BCKDHB: variants seen among roughly 807,000 people sequenced by gnomAD.
BCKDHB encodes the protein branched chain keto acid dehydrogenase E1 subunit beta.
In BCKDHB, 41 loss-of-function variants were observed where a neutral mutation model predicts 48.5. That is an observed-to-expected ratio of 0.85 (90% CI 0.66 to 1.10). The LOEUF (loss-of-function observed/expected upper bound fraction) is 1.10. Among genes scored for constraint, BCKDHB ranks in the 50% least tolerant of loss-of-function variants. BCKDHB has a pLI of 0.00. For synonymous variants in BCKDHB, 201 were observed against 174.8 expected (o/e 1.15, Z -1.18); for missense variants, 496 against 494.2 (o/e 1.00, Z -0.03).
intron 9 of BCKDHB, among the ~76,000 whole-genome samples, chr6:80,332,291 T>G (rs1250411959): frequency 1.3e-5 from 2 of 152,200 alleles, no homozygotes; most frequent in African/African-American, 4.8e-5. Flanking sequence ...GATCCTATAC[T>G]GCACTTGTAT....
chr6:80,403,046 TA>T, the BCKDHB span, among the ~76,000 whole-genome samples: 1 of 151,286 alleles, frequency 6.6e-6, no homozygotes, highest in Non-Finnish European at 1.5e-5. Context: ...GAGGTGCCTA[TA>T]GCTTCGTTTT....
chr6:80,230,137 C>T (rs927767516), intron 8 of BCKDHB, among the ~76,000 whole-genome samples: 5 of 128,072 alleles, frequency 3.9e-5, no homozygotes, highest in African/African-American at 1.4e-4. Context: ...CTCTTGGGTT[C>T]ATGCCATTCT....
chr6:80,317,385 A>C (rs965058707), intron 9 of BCKDHB, among the ~76,000 whole-genome samples: 1 of 152,138 alleles, frequency 6.6e-6, no homozygotes, highest in African/African-American at 2.4e-5. Context: ...TCTCTAGGGG[A>C]CTATCTGTTT....
intron 9 of BCKDHB, among the ~76,000 whole-genome samples, chr6:80,299,550 A>T (rs1412363767): frequency 6.6e-6 from 1 of 152,216 alleles, no homozygotes. Flanking sequence ...AAGCAAGTTT[A>T]TTAAGAAAGT....
intron 9 of BCKDHB, among the ~76,000 whole-genome samples, chr6:80,329,486 C>T (rs1769212977): frequency 6.6e-6 from 1 of 152,060 alleles, no homozygotes; most frequent in Non-Finnish European, 1.5e-5. Flanking sequence ...AAAATATAGC[C>T]ATGTAAAGTA....
chr6:80,275,098 T>C (rs542955764), intron 9 of BCKDHB, among the ~76,000 whole-genome samples: 3 of 152,130 alleles, frequency 2.0e-5, no homozygotes, highest in Admixed American at 6.5e-5. Context: ...AAACAAAGCA[T>C]CTTGTAGCAC....
At chr6:80,242,315 G>C (rs1562168036) in intron 8 of BCKDHB, among the ~76,000 whole-genome samples, 2 of 152,034 alleles carry the variant, frequency 1.3e-5, no homozygotes, top group Non-Finnish European at 2.9e-5. Flanking sequence ...TGTACACGTG[G>C]ATTTGTTCAT....
At chr6:80,426,619 T>C in the BCKDHB span, among the ~76,000 whole-genome samples, 5 of 152,208 alleles carry the variant, frequency 3.3e-5, no homozygotes, top group African/African-American at 1.2e-4. Context: ...TTTCTAAAGA[T>C]GTGGGGATTA....
the BCKDHB span, among the ~76,000 whole-genome samples, chr6:80,418,852 G>A: frequency 2.0e-3 from 309 of 152,304 alleles, 1 homozygote; most frequent in Non-Finnish European, 3.4e-3. Context: ...TGTTCATCAC[G>A]GTAGCAGAGG....
At chr6:80,195,039 C>T (rs998520791) in intron 6 of BCKDHB, among the ~76,000 whole-genome samples, 3 of 152,172 alleles carry the variant, frequency 2.0e-5, no homozygotes, top group Non-Finnish European at 2.9e-5. Flanking sequence ...CAAACATGCT[C>T]TCAATAATCA....
the BCKDHB span, among the ~76,000 whole-genome samples, chr6:80,391,928 A>G: frequency 6.6e-6 from 1 of 152,038 alleles, no homozygotes; most frequent in Non-Finnish European, 1.5e-5. Context: ...TTTTTAAAAA[A>G]CCATTTCAAA....
At position 80,305,835 on chromosome 6, in the gene BCKDHB, A is replaced by G. The variant is rs140003173; in HGVS notation, c.1038+32614A>G. Among the ~76,000 whole-genome samples the G allele has an allele frequency of 3.4e-4, 52 of 152,284 alleles. 1 individual carries two copies. The East Asian group carries it at 9.1e-3, about 27-fold the overall frequency. ...CTTGTCCTCCTAGGATGTTCCTCCT[A>G]TCTTACTGAACTGCTCTTGGGGATT... On this transcript the variant is annotated intron_variant, in intron 9 of 9. Coordinates refer to ENST00000320393, the MANE Select transcript of BCKDHB (RefSeq NM_183050.4).
chr6:80,420,743 C>G, the BCKDHB span, among the ~76,000 whole-genome samples: 349 of 152,322 alleles, frequency 2.3e-3, no homozygotes, highest in African/African-American at 8.0e-3. Context: ...TGGTCCCAGA[C>G]TATTCAGCTG....
intron 8 of BCKDHB, among the ~76,000 whole-genome samples, chr6:80,228,343 C>T (rs73482033): frequency 0.015 from 2,278 of 152,258 alleles, 41 homozygotes; most frequent in African/African-American, 0.04. Context: ...TGCATTTTTG[C>T]TTCCAATATT....
intron 9 of BCKDHB, among the ~76,000 whole-genome samples, chr6:80,289,795 C>G (rs1029765435): frequency 6.6e-6 from 1 of 152,080 alleles, no homozygotes; most frequent in Non-Finnish European, 1.5e-5. Flanking sequence ...GCATGGAGCC[C>G]AAAAGTTTTC....
At position 80,141,140 on chromosome 6, in the gene BCKDHB, C is replaced by T. The variant is rs190830979; in HGVS notation, c.343+11911C>T. On this transcript the variant is annotated intron_variant, in intron 3 of 9. Transcript: ENST00000320393. ...ACGGTAGTTTGTATTTCTGTGGGAT[C>T]GGTGGTGATATCCCCTTTATCATTT... 4.2e-3 allele frequency among the ~76,000 whole-genome samples: 638 copies of T among 152,138 alleles called. 3 individuals carry two copies. The highest frequency in any genetic ancestry group is 5.6e-3 in the Non-Finnish European group (381 of 67,984).
At chr6:80,449,388 G>C in the BCKDHB span, among the ~76,000 whole-genome samples, 1 of 152,164 alleles carries the variant, frequency 6.6e-6, no homozygotes, top group African/African-American at 2.4e-5. Context: ...TGTGAGAAAG[G>C]AGTGTTGGCT....
chr6:80,285,368 T>A (rs1474423281), intron 9 of BCKDHB, among the ~76,000 whole-genome samples: 1 of 152,200 alleles, frequency 6.6e-6, no homozygotes, highest in Non-Finnish European at 1.5e-5. Flanking sequence ...ATGTATTCTG[T>A]TATCAATTTA....
chr6:80,260,092 TC>T (rs1228055300), intron 8 of BCKDHB, among the ~76,000 whole-genome samples: 1 of 152,164 alleles, frequency 6.6e-6, no homozygotes, highest in African/African-American at 2.4e-5. Context: ...CTTTTTTACT[TC>T]CTCTTCATAC....
Sources: allele counts gnomAD v4.1 joint callset (sites outside exome capture counted in the v4.1 genomes callset), GRCh38; gene constraint gnomAD v4.1.1; transcripts MANE v1.5; gene names NCBI Gene and HGNC (gene_info 2026-07-23, HGNC 2026-07-21).